AFF2: variants seen among roughly 807,000 people sequenced by gnomAD.
AFF2 encodes ALF transcription elongation factor 2.
A neutral mutation model predicts 76.9 loss-of-function variants in AFF2; 14 were observed. The ratio of observed to expected loss-of-function variants is 0.18; its 90% CI spans 0.12 to 0.28. AFF2 has a LOEUF of 0.28. Among genes scored for constraint, AFF2 ranks in the 10% least tolerant of loss-of-function variants. AFF2 has a pLI of 1.00. For missense variants in AFF2, 868 were observed against 1,001.1 expected, an observed-to-expected ratio of 0.87 and a Z score of 1.79; for synonymous variants, 398 against 366.7, an observed-to-expected ratio of 1.09 and a Z score of -0.98.
rs1569551678 is a variant in AFF2, at chrX:148,581,568, GTATACGTATACGTGTACACACATA to G, written c.48-70393_48-70370del. On this transcript the variant is annotated intron_variant, in intron 1 of 20. Transcript: ENST00000370460. ...CGTCTACGTGTACACACATATATAC[GTATACGTATACGTGTACACACATA>G]TATACGTATACGTGTACACACATAT... 5.5e-3 allele frequency among the ~76,000 whole-genome samples: 251 copies of G among 45,448 alleles called. 39 individuals are homozygous for G. The highest frequency in any genetic ancestry group is 0.018 in the African/African-American group (204 of 11,626). The allele number at this position is 45,448 out of a possible 115,157, so 39.5% of individuals were successfully genotyped here.
intron 3 of AFF2, among the ~76,000 whole-genome samples, chrX:148,705,886 CTACAATTAAGAGATCCTTCTGACTG>C (rs1234166188): frequency 9.0e-6 from 1 of 111,445 alleles, no homozygotes; most frequent in Non-Finnish European, 1.9e-5. Context: ...AACTAGAGGT[CTACAATTAAGAGATCCTTCTGACTG>C]TGCAATCCTG....
chrX:148,784,214 C>T (rs782602952), intron 3 of AFF2, among the ~76,000 whole-genome samples: 2 of 112,159 alleles, frequency 1.8e-5, no homozygotes, highest in Non-Finnish European at 3.8e-5. Context: ...AATGCTGCCA[C>T]CCCTAAGCAG....
chrX:148,740,223 G>A (rs934444374), intron 3 of AFF2, among the ~76,000 whole-genome samples: 30 of 111,740 alleles, frequency 2.7e-4, no homozygotes, highest in Middle Eastern at 9.2e-3. Context: ...AGTTTTCCTC[G>A]GTCATTCCCC....
chrX:148,964,684 T>C (rs1204770439), intron 13 of AFF2, among the ~76,000 whole-genome samples: 3 of 111,423 alleles, frequency 2.7e-5, no homozygotes, highest in Non-Finnish European at 5.7e-5. Flanking sequence ...GAGTTTCCGT[T>C]TTGCAAGATG....
At chrX:148,501,731 T>C (rs2052354930) in intron 1 of AFF2, among the ~76,000 whole-genome samples, 1 of 113,480 alleles carries the variant, frequency 8.8e-6, no homozygotes, top group African/African-American at 3.2e-5. Context: ...GGGCCACCAC[T>C]CAGGGGACCT....
intron 11 of AFF2, 103 bp from the exon 12 acceptor site, chrX:148,958,229 TTAAAA>T: frequency 1.9e-6 from 2 of 1,057,926 alleles, no homozygotes; most frequent in South Asian, 2.2e-5. Flanking sequence ...AATCTAGAAG[TTAAAA>T]TAAAAGCAAA....
At chrX:148,754,147 C>A (rs942969015) in intron 3 of AFF2, among the ~76,000 whole-genome samples, 6 of 111,351 alleles carry the variant, frequency 5.4e-5, no homozygotes, top group Non-Finnish European at 1.1e-4. Context: ...TTTCCAAATC[C>A]TATTAGAAGA....
Position 148,779,048 on chromosome X carries a change from G to A in AFF2, c.1042-30828G>A, listed in dbSNP as rs1187753992. On this transcript the variant is annotated intron_variant, in intron 3 of 20. Coordinates refer to ENST00000370460, the MANE Select transcript of AFF2 (RefSeq NM_002025.4). ...AGAGATTCTGGTACATTGTGTCTTT[G>A]TTCTCATTGGTTTCAAAAAACTTAC... Among the ~76,000 whole-genome samples, 3 of 111,103 alleles carry A rather than the reference G, an allele frequency of 2.7e-5. No individual in the cohort carries two copies. The East Asian group carries it at 8.5e-4, about 31-fold the overall frequency.
intron 9 of AFF2, among the ~76,000 whole-genome samples, chrX:148,940,334 G>A (rs2071819326): frequency 8.9e-6 from 1 of 111,998 alleles, no homozygotes; most frequent in African/African-American, 3.2e-5. Context: ...GTGATTTGCT[G>A]TTGACATACT....
At chrX:148,505,641 CAT>C (rs1420722027) in intron 1 of AFF2, among the ~76,000 whole-genome samples, 2 of 111,356 alleles carry the variant, frequency 1.8e-5, no homozygotes, top group African/African-American at 6.5e-5. Flanking sequence ...ACTTATTTAA[CAT>C]AATTTCAAAA....
chrX:148,500,955 C>A lies in AFF2; in HGVS notation c.-143C>A. ...CACCTCCAGCGCCCGCTGCTGCTGC[C>A]GATGCGGCCCGGACACTTTTAGCTG... On this transcript the variant is annotated 5_prime_UTR_variant, in exon 1 of 21. Transcript: ENST00000370460. 3 of 727,569 alleles carry A rather than the reference C, an allele frequency of 4.1e-6. No homozygotes were observed. The highest frequency in any genetic ancestry group is 5.7e-6 in the Non-Finnish European group (3 of 522,035). The allele number at this position is 727,569 out of a possible 1,213,427, so 60.0% of individuals were successfully genotyped here.
chrX:148,780,269 A>G (rs1557268970), intron 3 of AFF2, among the ~76,000 whole-genome samples: 1 of 111,284 alleles, frequency 9.0e-6, no homozygotes, highest in Non-Finnish European at 1.9e-5. Flanking sequence ...TGTTCTCTGT[A>G]TTTCCTGAAT....
chrX:148,816,866 G>A (rs2070270151), intron 4 of AFF2, among the ~76,000 whole-genome samples: 1 of 106,268 alleles, frequency 9.4e-6, no homozygotes, highest in Non-Finnish European at 1.9e-5. Context: ...AGCCCTGACT[G>A]GTCCTGGAAG....
intron 7 of AFF2, among the ~76,000 whole-genome samples, chrX:148,866,280 A>C (rs1468141437): frequency 1.8e-5 from 2 of 112,447 alleles, no homozygotes; most frequent in Admixed American, 1.9e-4. Flanking sequence ...TGTAATTAGT[A>C]GGAAACAATC....
chrX:148,826,011 A>G (rs1363069956), intron 4 of AFF2, among the ~76,000 whole-genome samples: 1 of 109,916 alleles, frequency 9.1e-6, no homozygotes, highest in Non-Finnish European at 1.9e-5. Context: ...TTCAAGACCA[A>G]TGTTTCATTT....
chrX:148,899,979 C>A (rs1048255616), intron 8 of AFF2, among the ~76,000 whole-genome samples: 8 of 110,367 alleles, frequency 7.2e-5, no homozygotes, highest in Non-Finnish European at 1.5e-4. Context: ...CCAAAAGATT[C>A]TCTACATTTT....
At chrX:148,509,660 T>A (rs1180048201) in intron 1 of AFF2, among the ~76,000 whole-genome samples, 1 of 112,573 alleles carries the variant, frequency 8.9e-6, no homozygotes, top group Non-Finnish European at 1.9e-5. Context: ...ATACTGTAGC[T>A]CTTGAGATGT....
intron 9 of AFF2, among the ~76,000 whole-genome samples, chrX:148,923,622 A>C (rs2071619360): frequency 9.0e-6 from 1 of 111,501 alleles, no homozygotes; most frequent in Admixed American, 9.5e-5. Flanking sequence ...AAAAAAAAAA[A>C]CATGATGTAT....
At chrX:148,841,659 C>G (rs1210318522) in intron 5 of AFF2, among the ~76,000 whole-genome samples, 1 of 111,510 alleles carries the variant, frequency 9.0e-6, no homozygotes, top group Non-Finnish European at 1.9e-5. Flanking sequence ...TTTGTGGGCT[C>G]CTTTGCTATT....
Sources: allele counts gnomAD v4.1 joint callset (sites outside exome capture counted in the v4.1 genomes callset), GRCh38; gene constraint gnomAD v4.1.1; transcripts MANE v1.5; gene names NCBI Gene and HGNC (gene_info 2026-07-23, HGNC 2026-07-21).